Variants in STX11 observed in about 807,000 individuals in gnomAD.
The protein encoded by STX11 is syntaxin-11.
In STX11, 21 loss-of-function variants were observed where a neutral mutation model predicts 19.9. The observed-to-expected ratio is 1.06, with a 90% CI of 0.75 to 1.52. The LOEUF (loss-of-function observed/expected upper bound fraction) is 1.52. Ranked by LOEUF, STX11 falls within the 40% of genes most tolerant of loss-of-function variation. The pLI is 0.00. For synonymous variants in STX11, 193 were observed against 174.4 expected (o/e 1.11, Z -0.84); for missense variants, 438 against 405.9 (o/e 1.08, Z -0.68).
At position 144,180,377 on chromosome 6, in the gene STX11, G is replaced by C. The variant is rs1298533034; in HGVS notation, c.-5-6246G>C. ...TTTATGTGTGATATGGTTTGGCTGT[G>C]TCCCCACCAAATCTCAACTTGAATT... On this transcript the variant is annotated intron_variant, in intron 1 of 1. Transcript: ENST00000367568. This position sits in a 1 kb window ranked among gnomAD's most constrained non-coding sequence, Gnocchi z 5.3. Among the ~76,000 whole-genome samples the C allele has an allele frequency of 2.6e-5, 4 of 152,162 alleles. No individual in the cohort carries two copies. The highest frequency in any genetic ancestry group is 2.4e-5 in the African/African-American group (1 of 41,430).
At position 144,187,006 on chromosome 6, in the gene STX11, A is replaced by G. The variant is rs765377730; in HGVS notation, c.379A>G (p.Ile127Val). 10 of 1,610,874 alleles carry G rather than the reference A, an allele frequency of 6.2e-6. No individual in the cohort carries two copies. The highest frequency in any genetic ancestry group is 5.0e-5 in the Admixed American group (3 of 59,954). Residue 127 changes from isoleucine (I) to valine (V), a missense_variant, in exon 2 of 2, where the codon ATT becomes GTT. Ile to Val is a conservative substitution (Grantham distance 29). Transcript: ENST00000367568. This position sits in a 1 kb window ranked among gnomAD's most constrained non-coding sequence, Gnocchi z 5.6. ...CGGCCCGCACTCGGCAGTGGCGCGCATTTCGCGGGCGCAGTACAACGCGCT... is the reference window on the plus strand; with the variant it reads ...CGGCCCGCACTCGGCAGTGGCGCGCGTTTCGCGGGCGCAGTACAACGCGCT... ...QHGPHSAVARISRAQYNALTL... is the reference protein window; with the variant it reads ...QHGPHSAVARVSRAQYNALTL...
chr6:144,176,386 T>C lies in STX11; in HGVS notation c.-5-10237T>C, dbSNP rs1330466398. ...GTTATTAGTAAATCGAAAATGATGTTACCCTCCTCCCAAGGTTATTGTGAG... is the reference window on the plus strand; with the variant it reads ...GTTATTAGTAAATCGAAAATGATGTCACCCTCCTCCCAAGGTTATTGTGAG... On this transcript the variant is annotated intron_variant, in intron 1 of 1. Transcript: ENST00000367568. The surrounding 1 kb of genome is among the most constrained non-coding windows in gnomAD (Gnocchi z 4.1). Among the ~76,000 whole-genome samples, 2 of 152,204 alleles carry C rather than the reference T, an allele frequency of 1.3e-5. No homozygotes were observed. Among genetic ancestry groups the C allele is most frequent in the Non-Finnish European group, 2.9e-5 (2 of 68,028 alleles).
rs192453765 is a variant in STX11 at position 144,188,584 on chromosome 6, T to C, written c.*1093T>C. 3.3e-5 allele frequency among the ~76,000 whole-genome samples: 5 copies of C among 152,358 alleles called. No individual in the cohort carries two copies. The East Asian group carries it at 7.7e-4, about 23-fold the overall frequency. On this transcript the variant is annotated 3_prime_UTR_variant, in exon 2 of 2. Coordinates refer to ENST00000367568, the MANE Select transcript of STX11 (RefSeq NM_003764.4). ...TACTGTGGACCATTCCTTCCATGCATTGAAATGGAGAAATTCAAAGTAAAA... is the reference window on the plus strand; with the variant it reads ...TACTGTGGACCATTCCTTCCATGCACTGAAATGGAGAAATTCAAAGTAAAA...
At chr6:144,140,756 A>T in the STX11 span, 2 of 985,278 alleles carry the variant, frequency 2.0e-6, no homozygotes, top group African/African-American at 3.5e-5. Context: ...CCTCAAGGGG[A>T]TGAAATGGAT....
chr6:144,140,262 A>ATT, the STX11 span, among the ~76,000 whole-genome samples: 22 of 55,098 alleles, frequency 4.0e-4, no homozygotes, highest in African/African-American at 2.4e-3. Context: ...ATATTTATTT[A>ATT]TTTATTTTTT....
chr6:144,146,831 A>G (rs1238300179), upstream of STX11, among the ~76,000 whole-genome samples: 1 of 152,172 alleles, frequency 6.6e-6, no homozygotes, highest in African/African-American at 2.4e-5. The surrounding 1 kb of genome is among the most constrained non-coding windows in gnomAD (Gnocchi z 4.4). Flanking sequence ...TGCTGGGTTT[A>G]CAGGCTACCA....
chr6:144,150,400 G>A (rs1375946198), upstream of STX11: 19 of 784,788 alleles, frequency 2.4e-5, no homozygotes, highest in Non-Finnish European at 2.8e-5. Flanking sequence ...GGGTGGGGCG[G>A]GAACCCGCGC....
At chr6:144,185,338 C>T (rs766042961) in intron 1 of STX11, among the ~76,000 whole-genome samples, 16 of 152,138 alleles carry the variant, frequency 1.1e-4, no homozygotes, top group Non-Finnish European at 2.1e-4. Context: ...TGATAGATTG[C>T]GTAACCATTA....
At position 144,183,974 on chromosome 6, in the gene STX11, C is replaced by T. The variant is rs982223295; in HGVS notation, c.-5-2649C>T. 6.6e-6 allele frequency among the ~76,000 whole-genome samples: 1 copy of T among 152,140 alleles called. No individual in the cohort carries two copies. The highest frequency in any genetic ancestry group is 2.4e-5 in the African/African-American group (1 of 41,418). ...TTCACCTCCCACTTATAAGTGAGAA[C>T]ATGCAGTGTTTGGTTTTCTGTTCCT... On this transcript the variant is annotated intron_variant, in intron 1 of 1. Transcript: ENST00000367568. This position sits in a 1 kb window ranked among gnomAD's most constrained non-coding sequence, Gnocchi z 4.6.
the STX11 span, among the ~76,000 whole-genome samples, chr6:144,141,483 A>G: frequency 3.3e-5 from 5 of 152,208 alleles, no homozygotes; most frequent in Non-Finnish European, 4.4e-5. Flanking sequence ...GCTTGGAAAA[A>G]GAAATGATCT....
At position 144,162,543 on chromosome 6, in the gene STX11, G is replaced by A. The variant is rs1370357604; in HGVS notation, c.-6+11840G>A. 6.6e-6 allele frequency among the ~76,000 whole-genome samples: 1 copy of A among 152,198 alleles called. No individual in the cohort carries two copies. Among genetic ancestry groups the A allele is most frequent in the African/African-American group, 2.4e-5 (1 of 41,444 alleles). ...TTCAAAAATGCAAATATGCTTTCTT[G>A]ATGGAGCAGTATATTAAGCTATTAG... On this transcript the variant is annotated intron_variant, in intron 1 of 1. Transcript: ENST00000367568. This position sits in a 1 kb window ranked among gnomAD's most constrained non-coding sequence, Gnocchi z 4.6.
chr6:144,173,609 T>TTTTG (rs1375255942), intron 1 of STX11, among the ~76,000 whole-genome samples: 1 of 152,238 alleles, frequency 6.6e-6, no homozygotes, highest in East Asian at 1.9e-4. Context: ...AACTTCTATG[T>TTTTG]AGTTATAGAC....
At chr6:144,171,380 G>A (rs1459223676) in intron 1 of STX11, among the ~76,000 whole-genome samples, 4 of 152,150 alleles carry the variant, frequency 2.6e-5, no homozygotes, top group African/African-American at 9.7e-5. Context: ...AACTTCTCTG[G>A]TCCAGTCTTT....
chr6:144,162,839 A>T lies in STX11; in HGVS notation c.-6+12136A>T, dbSNP rs1427108471. 6.6e-6 allele frequency among the ~76,000 whole-genome samples: 1 copy of T among 152,212 alleles called. No individual in the cohort carries two copies. The highest frequency in any genetic ancestry group is 1.5e-5 in the Non-Finnish European group (1 of 68,032). ...TTTATAAATCTTCTTGTTGATATTC[A>T]TAGAAAGTGTGTATGTTTACCAACA... On this transcript the variant is annotated intron_variant, in intron 1 of 1. Coordinates refer to ENST00000367568, the MANE Select transcript of STX11 (RefSeq NM_003764.4). This position sits in a 1 kb window ranked among gnomAD's most constrained non-coding sequence, Gnocchi z 4.6.
chr6:144,163,674 A>C (rs932185207), intron 1 of STX11, among the ~76,000 whole-genome samples: 2 of 152,032 alleles, frequency 1.3e-5, no homozygotes. Flanking sequence ...TAGTAGAGAC[A>C]GGGTTTCTCC....
At chr6:144,161,089 T>A (rs1801324258) in intron 1 of STX11, among the ~76,000 whole-genome samples, 1 of 152,246 alleles carries the variant, frequency 6.6e-6, no homozygotes, top group South Asian at 2.1e-4. Flanking sequence ...ATTGCTGAAG[T>A]GTAGGTAATG....
rs2128755415 is a variant in STX11 at position 144,183,462 on chromosome 6, G to A, written c.-5-3161G>A. On this transcript the variant is annotated intron_variant, in intron 1 of 1. Transcript: ENST00000367568. This position sits in a 1 kb window ranked among gnomAD's most constrained non-coding sequence, Gnocchi z 4.6. Reference sequence around the variant, plus strand: ...ATATCTTTAGAATAAATGCACATATGTCAAAACAAATGCACACTTGAAAAG... The same window carrying A: ...ATATCTTTAGAATAAATGCACATATATCAAAACAAATGCACACTTGAAAAG... Among the ~76,000 whole-genome samples the A allele has an allele frequency of 6.6e-6, 1 of 152,298 alleles. No homozygotes were observed. Among genetic ancestry groups the A allele is most frequent in the East Asian group, 1.9e-4 (1 of 5,188 alleles).
Position 144,189,869 on chromosome 6 carries a change from A to G in STX11, c.*2378A>G, listed in dbSNP as rs1237044934. ...CTTTCTCTAAGGGAAAGGGGAAAAA[A>G]TGTTCACATAGCTCCACTGCAATGT... is the stretch of plus-strand genomic sequence containing the variant. On this transcript the variant is annotated 3_prime_UTR_variant, in exon 2 of 2. Coordinates refer to ENST00000367568, the MANE Select transcript of STX11 (RefSeq NM_003764.4). Among the ~76,000 whole-genome samples the G allele has an allele frequency of 1.3e-5, 2 of 152,184 alleles. No individual in the cohort carries two copies. The highest frequency in any genetic ancestry group is 2.9e-5 in the Non-Finnish European group (2 of 68,030).
Position 144,155,996 on chromosome 6 carries a change from TTCTTTCTTTCTTTCTTTC to T in STX11, c.-6+5297_-6+5314del, listed in dbSNP as rs1318373612. On this transcript the variant is annotated intron_variant, in intron 1 of 1. Coordinates refer to ENST00000367568, the MANE Select transcript of STX11 (RefSeq NM_003764.4). The surrounding 1 kb of genome is among the most constrained non-coding windows in gnomAD (Gnocchi z 4.5). Reference sequence around the variant, plus strand: ...TTTCTTTCTTTCTTTCTTTCTTTCTTTCTTTCTTTCTTTCTTTCTCTCTTTCTCTCCTTCCTTCCTTCC... The same window carrying T: ...TTTCTTTCTTTCTTTCTTTCTTTCTTTCTCTTTCTCTCCTTCCTTCCTTCC... 8.8e-4 allele frequency among the ~76,000 whole-genome samples: 110 copies of T among 124,500 alleles called. No individual in the cohort carries two copies. Among genetic ancestry groups the T allele is most frequent in the African/African-American group, 3.6e-3 (87 of 23,914 alleles). The allele number at this position is 124,500 out of a possible 152,430, so 81.7% of individuals were successfully genotyped here.
Sources: allele counts gnomAD v4.1 joint callset (sites outside exome capture counted in the v4.1 genomes callset), GRCh38; gene constraint gnomAD v4.1.1; non-coding constraint Gnocchi (gnomAD v3.1); transcripts MANE v1.5; gene names NCBI Gene and HGNC (gene_info 2026-07-23, HGNC 2026-07-21).